The following CADM1 variants were observed in gnomAD, a reference collection of about 807,000 sequenced individuals.
The protein encoded by CADM1 is TSLC-1.
Under a neutral mutation model 53.1 loss-of-function variants are expected in CADM1, and 15 were observed. That is an observed-to-expected ratio of 0.28 (90% CI 0.19 to 0.44). The LOEUF (loss-of-function observed/expected upper bound fraction) is 0.44, where lower values mean the gene tolerates loss of function less well. Among genes scored for constraint, CADM1 ranks in the 20% least tolerant of loss-of-function variants. The probability of loss-of-function intolerance (pLI) is 1.00; values close to 1 mark genes in which losing one functional copy is unlikely to be tolerated. For synonymous variants in CADM1, 281 were observed against 243.0 expected (o/e 1.16, Z -1.45); for missense variants, 434 against 611.3 (o/e 0.71, Z 3.06).
At chr11:115,458,226 T>G (rs1591264801) in intron 1 of CADM1, among the ~76,000 whole-genome samples, 2 of 152,100 alleles carry the variant, frequency 1.3e-5, no homozygotes, top group East Asian at 3.9e-4. Context: ...TATAAAGGCT[T>G]TAAAACAATG....
intron 1 of CADM1, among the ~76,000 whole-genome samples, chr11:115,417,002 T>C (rs1947615223): frequency 6.6e-6 from 1 of 152,154 alleles, no homozygotes; most frequent in Non-Finnish European, 1.5e-5. Flanking sequence ...ATTTATTAAA[T>C]GTAAACAGAG....
intron 1 of CADM1, among the ~76,000 whole-genome samples, chr11:115,318,677 G>A (rs894637634): frequency 1.5e-4 from 23 of 152,212 alleles, no homozygotes; most frequent in Admixed American, 3.9e-4. Context: ...ATTCAGATAC[G>A]GGAATGGAAA....
intron 1 of CADM1, among the ~76,000 whole-genome samples, chr11:115,346,561 AT>A (rs1945583907): frequency 6.6e-6 from 1 of 151,702 alleles, no homozygotes; most frequent in South Asian, 2.1e-4. Context: ...GTTTTTTCTT[AT>A]TTTTTTCCAT....
intron 7 of CADM1, among the ~76,000 whole-genome samples, chr11:115,210,539 G>A (rs1419778355): frequency 1.3e-5 from 2 of 152,136 alleles, no homozygotes; most frequent in Non-Finnish European, 2.9e-5. Context: ...AAAATTCTAA[G>A]CCCAAATGAT....
intron 1 of CADM1, among the ~76,000 whole-genome samples, chr11:115,451,500 G>C (rs1165966070): frequency 1.3e-5 from 2 of 152,166 alleles, no homozygotes; most frequent in Admixed American, 1.3e-4. Flanking sequence ...AAAGGACATA[G>C]GTAGCAATTT....
chr11:115,287,940 T>C (rs927951490), intron 1 of CADM1, among the ~76,000 whole-genome samples: 1 of 152,130 alleles, frequency 6.6e-6, no homozygotes, highest in Non-Finnish European at 1.5e-5. Flanking sequence ...AATAACATCA[T>C]TATGTCAGGT....
chr11:115,424,721 TCGACA>T (rs1263572640), intron 1 of CADM1, among the ~76,000 whole-genome samples: 5 of 152,062 alleles, frequency 3.3e-5, no homozygotes, highest in Non-Finnish European at 7.4e-5. Flanking sequence ...AGAGGGGGTT[TCGACA>T]TGTTGGCCAG....
intron 1 of CADM1, among the ~76,000 whole-genome samples, chr11:115,498,640 C>A (rs934558719): frequency 2.2e-4 from 33 of 151,952 alleles, no homozygotes; most frequent in African/African-American, 7.8e-4. Flanking sequence ...GAGAAGGTCT[C>A]CTCAGTAGAA....
intron 6 of CADM1, among the ~76,000 whole-genome samples, chr11:115,215,246 A>C (rs1388274256): frequency 6.6e-6 from 1 of 152,216 alleles, no homozygotes; most frequent in Admixed American, 6.5e-5. Context: ...GAGTTTCACC[A>C]AAAGGAATGG....
chr11:115,412,996 TATTTACACATGAGAAA>T, intron 1 of CADM1, among the ~76,000 whole-genome samples: 1 of 152,348 alleles, frequency 6.6e-6, no homozygotes, highest in African/African-American at 2.4e-5. Context: ...AATTTCACTG[TATTTACACATGAGAAA>T]AGACATTTAA....
intron 5 of CADM1, among the ~76,000 whole-genome samples, chr11:115,218,519 G>A (rs556243898): frequency 3.3e-5 from 5 of 152,122 alleles, no homozygotes; most frequent in African/African-American, 1.2e-4. Flanking sequence ...TGAAAACTCT[G>A]ACATCTCAGT....
chr11:115,355,896 G>C (rs1945857995), intron 1 of CADM1, among the ~76,000 whole-genome samples: 1 of 152,158 alleles, frequency 6.6e-6, no homozygotes, highest in South Asian at 2.1e-4. Flanking sequence ...CAAGTGGCGT[G>C]ATCTTGGCTC....
intron 4 of CADM1, among the ~76,000 whole-genome samples, chr11:115,230,219 C>T (rs535596972): frequency 1.3e-5 from 2 of 152,284 alleles, no homozygotes; most frequent in African/African-American, 4.8e-5. Context: ...TTATCTGCTT[C>T]CAGATATAGA....
chr11:115,492,932 T>TACACACACACACAC (rs57800253), intron 1 of CADM1, among the ~76,000 whole-genome samples: 2 of 146,754 alleles, frequency 1.4e-5, no homozygotes, highest in African/African-American at 2.5e-5. Context: ...GGATATTTTA[T>TACACACACACACAC]ACACACACAC....
intron 1 of CADM1, among the ~76,000 whole-genome samples, chr11:115,294,076 T>TG (rs1353440056): frequency 1.3e-5 from 2 of 152,108 alleles, no homozygotes; most frequent in African/African-American, 2.4e-5. Context: ...TTAGGTGGGG[T>TG]GAAGTATCTC....
Position 115,202,458 on chromosome 11 carries a change from G to A in CADM1, c.1079-4020C>T, listed in dbSNP as rs748848232. ...ATATTTTTTCCCCCAATTGATCTGC[G>A]GTGCTCCTGCTTTACAATGCGCAGA... On this transcript the variant is annotated intron_variant, in intron 8 of 11. Coordinates refer to ENST00000331581, the MANE Select transcript of CADM1 (RefSeq NM_001301043.2). Among the ~76,000 whole-genome samples, 11 of 151,944 alleles carry A rather than the reference G, an allele frequency of 7.2e-5. 1 individual carries two copies. Among genetic ancestry groups the A allele is most frequent in the Admixed American group, 1.3e-4 (2 of 15,258 alleles).
intron 1 of CADM1, among the ~76,000 whole-genome samples, chr11:115,319,491 T>G (rs187680776): frequency 5.3e-5 from 8 of 152,320 alleles, no homozygotes; most frequent in Non-Finnish European, 1.2e-4. Flanking sequence ...TAAAAAACAT[T>G]ATTTAAATCA....
chr11:115,332,292 G>A (rs1215968510), intron 1 of CADM1, among the ~76,000 whole-genome samples: 1 of 152,202 alleles, frequency 6.6e-6, no homozygotes, highest in Non-Finnish European at 1.5e-5. Context: ...GCAGGTAGAA[G>A]TTAGAAGGCT....
In CADM1 at chr11:115,504,395, G is replaced by A; in HGVS notation, c.-1C>T. Reference sequence around the variant, plus strand: ...CGCTCGGCAGCACTACACTCGCCATGTCGGGCACCTGCCTCAGACTGGCGG... The same window carrying A: ...CGCTCGGCAGCACTACACTCGCCATATCGGGCACCTGCCTCAGACTGGCGG... On this transcript the variant is annotated 5_prime_UTR_variant, in exon 1 of 12. Transcript: ENST00000331581. 6.5e-7 allele frequency: 1 copy of A among 1,545,664 alleles called. No homozygotes were observed. The highest frequency in any genetic ancestry group is 8.7e-7 in the Non-Finnish European group (1 of 1,146,022).
Sources: allele counts gnomAD v4.1 joint callset (sites outside exome capture counted in the v4.1 genomes callset), GRCh38; gene constraint gnomAD v4.1.1; transcripts MANE v1.5; gene names NCBI Gene and HGNC (gene_info 2026-07-23, HGNC 2026-07-21).